The following BCL11B variants were observed in gnomAD, a reference collection of about 807,000 sequenced individuals.
BCL11B encodes B-cell lymphoma/leukemia 11B.
A neutral mutation model predicts 49.9 loss-of-function variants in BCL11B; 8 were observed. That is an observed-to-expected ratio of 0.16 (90% CI 0.09 to 0.29). The LOEUF is 0.29. Among genes scored for constraint, BCL11B ranks in the 10% least tolerant of loss-of-function variants. The pLI, the probability that BCL11B is intolerant of heterozygous loss-of-function variation, is 1.00. For missense variants in BCL11B, 1,006 were observed against 1,351.0 expected, an observed-to-expected ratio of 0.74 and a Z score of 4.00; for synonymous variants, 739 against 637.4, an observed-to-expected ratio of 1.16 and a Z score of -2.40.
In BCL11B at chr14:99,192,250, C is replaced by T. The variant is rs551006828; in HGVS notation, c.641-16055G>A. 8.7e-4 allele frequency among the ~76,000 whole-genome samples: 133 copies of T among 152,284 alleles called. 1 individual carries two copies. The highest frequency in any genetic ancestry group is 2.3e-3 in the Admixed American group (35 of 15,300). ...TGGCAGCGTTTCCTTGGAGCGCACACGGTGAACCTGGCTCTCGCATACAGT... is the reference window on the plus strand; with the variant it reads ...TGGCAGCGTTTCCTTGGAGCGCACATGGTGAACCTGGCTCTCGCATACAGT... On this transcript the variant is annotated intron_variant, in intron 3 of 3. Coordinates refer to ENST00000357195, the MANE Select transcript of BCL11B (RefSeq NM_138576.4). This position sits in a 1 kb window ranked among gnomAD's most constrained non-coding sequence, Gnocchi z 4.0.
chr14:99,181,548 C>T (rs1319735448), intron 3 of BCL11B, among the ~76,000 whole-genome samples: 1 of 152,210 alleles, frequency 6.6e-6, no homozygotes, highest in Non-Finnish European at 1.5e-5. Flanking sequence ...GCCTGTTTCA[C>T]AATGCAAATG....
chr14:99,187,662 CAAA>C (rs11385017), intron 3 of BCL11B, among the ~76,000 whole-genome samples: 1 of 136,182 alleles, frequency 7.3e-6, no homozygotes, highest in Non-Finnish European at 1.6e-5. Context: ...GATAAACAGG[CAAA>C]AAAAAAAAAA....
intron 2 of BCL11B, among the ~76,000 whole-genome samples, chr14:99,234,404 T>C (rs1888429389): frequency 6.6e-6 from 1 of 152,268 alleles, no homozygotes; most frequent in South Asian, 2.1e-4. Context: ...TATTTGCCTT[T>C]AAAAGTGAAG....
rs1361345192 is a variant in BCL11B at position 99,232,773 on chromosome 14, GC to G, written c.428-1217del. On this transcript the variant is annotated intron_variant, in intron 2 of 3. Transcript: ENST00000357195. This position sits in a 1 kb window ranked among gnomAD's most constrained non-coding sequence, Gnocchi z 5.1. ...CTGCAGAAAACTGCAGACATCAGCA[GC>G]CCCATCCAAACCCCAGCTGTCTGGC... 6.6e-6 allele frequency among the ~76,000 whole-genome samples: 1 copy of G among 152,194 alleles called. No individual in the cohort carries two copies. The highest frequency in any genetic ancestry group is 6.5e-5 in the Admixed American group (1 of 15,278).
At chr14:99,187,353 T>C (rs1013881569) in intron 3 of BCL11B, among the ~76,000 whole-genome samples, 1 of 152,124 alleles carries the variant, frequency 6.6e-6, no homozygotes, top group African/African-American at 2.4e-5. Flanking sequence ...TCTTTAGAGG[T>C]CCCGCCTTCG....
At position 99,205,476 on chromosome 14, in the gene BCL11B, G is replaced by A. The variant is rs958274080; in HGVS notation, c.640+25869C>T. On this transcript the variant is annotated intron_variant, in intron 3 of 3. Transcript: ENST00000357195. This position sits in a 1 kb window ranked among gnomAD's most constrained non-coding sequence, Gnocchi z 5.0. ...GGTTAAATGCGCCCAAGGACCAGGC[G>A]CTCGCTACACCAGCATGCCAGGAAA... 1.3e-5 allele frequency among the ~76,000 whole-genome samples: 2 copies of A among 152,268 alleles called. No individual in the cohort carries two copies. Among genetic ancestry groups the A allele is most frequent in the Admixed American group, 6.5e-5 (1 of 15,302 alleles).
chr14:99,176,002 C>T lies in BCL11B; in HGVS notation c.834G>A (p.Pro278=), dbSNP rs1270775724. The T allele has an allele frequency of 1.3e-6, 2 of 1,537,276 alleles. No individual in the cohort carries two copies. Among genetic ancestry groups the T allele is most frequent in the African/African-American group, 1.4e-5 (1 of 71,454 alleles). The change falls in exon 4 of 4, where the codon CCG becomes CCA. Residue 278 remains proline (P), a synonymous_variant. Coordinates refer to ENST00000357195, the MANE Select transcript of BCL11B (RefSeq NM_138576.4). ...PLGPEAVAQS[P]LMNFLGDSNP... is the part of the protein sequence containing the mutation. ...TGCTGTCGCCCAGGAAATTCATGAG[C>T]GGGGACTGCGCCACGGCCTCCGGCC...
In BCL11B at chr14:99,248,430, G is replaced by C. The variant is rs1888910290; in HGVS notation, c.427+9041C>G. ...CAGAGGTCACTGGCCGCCCCCAGCA[G>C]GCTCTGGGCCAGGGTGGGTCCAGAT... On this transcript the variant is annotated intron_variant, in intron 2 of 3. Coordinates refer to ENST00000357195, the MANE Select transcript of BCL11B (RefSeq NM_138576.4). This position sits in a 1 kb window ranked among gnomAD's most constrained non-coding sequence, Gnocchi z 4.7. 6.6e-6 allele frequency among the ~76,000 whole-genome samples: 1 copy of C among 152,266 alleles called. No homozygotes were observed. Among genetic ancestry groups the C allele is most frequent in the South Asian group, 2.1e-4 (1 of 4,822 alleles).
At position 99,262,810 on chromosome 14, in the gene BCL11B, T is replaced by C. The variant is rs1465851417; in HGVS notation, c.59-4971A>G. ...GAGCACAACACTTTCTGAGCTGCCA[T>C]CCATTTTTAATTTATTGGATCCAAG... On this transcript the variant is annotated intron_variant, in intron 1 of 3. Coordinates refer to ENST00000357195, the MANE Select transcript of BCL11B (RefSeq NM_138576.4). This position sits in a 1 kb window ranked among gnomAD's most constrained non-coding sequence, Gnocchi z 4.2. The C allele has an allele frequency of 6.6e-6, 1 of 151,838 alleles. No individual in the cohort carries two copies. Among genetic ancestry groups the C allele is most frequent in the Non-Finnish European group, 1.5e-5 (1 of 67,972 alleles). The allele number at this position is 151,838 out of a possible 1,614,324, so 9.4% of individuals were successfully genotyped here. A position where few individuals can be genotyped will look rare whatever the true frequency, so the allele number is the denominator to read the frequency against.
At chr14:99,253,891 T>C (rs1462443960) in intron 2 of BCL11B, among the ~76,000 whole-genome samples, 2 of 152,188 alleles carry the variant, frequency 1.3e-5, no homozygotes, top group Non-Finnish European at 2.9e-5. Context: ...AGAGGCACCA[T>C]AGCTGCCCTG....
In BCL11B at chr14:99,232,912, C is replaced by CA. The variant is rs1435015429; in HGVS notation, c.428-1356dup. Among the ~76,000 whole-genome samples, 20 of 152,200 alleles carry CA rather than the reference C, an allele frequency of 1.3e-4. No individual in the cohort carries two copies. Among genetic ancestry groups the CA allele is most frequent in the Non-Finnish European group, 2.9e-4 (20 of 68,034 alleles). On this transcript the variant is annotated intron_variant, in intron 2 of 3. Coordinates refer to ENST00000357195, the MANE Select transcript of BCL11B (RefSeq NM_138576.4). The surrounding 1 kb of genome is among the most constrained non-coding windows in gnomAD (Gnocchi z 5.1). ...CCCCTGCTTAGGGATTGCAAGCTGT[C>CA]AGTGTCCTGTCAAGAGGTCAAAGCT...
In BCL11B at chr14:99,232,318, A is replaced by G. The variant is rs969395311; in HGVS notation, c.428-761T>C. 3.3e-5 allele frequency among the ~76,000 whole-genome samples: 5 copies of G among 152,180 alleles called. No individual in the cohort carries two copies. The highest frequency in any genetic ancestry group is 1.3e-4 in the Admixed American group (2 of 15,292). On this transcript the variant is annotated intron_variant, in intron 2 of 3. Coordinates refer to ENST00000357195, the MANE Select transcript of BCL11B (RefSeq NM_138576.4). The surrounding 1 kb of genome is among the most constrained non-coding windows in gnomAD (Gnocchi z 5.1). ...GCCGGCCCCGCCTCTGCCCAGCCCC[A>G]CAGCTCGCTCAGCTCCACAGCAAGG...
In BCL11B at chr14:99,201,536, T is replaced by G. The variant is rs186582493; in HGVS notation, c.641-25341A>C. On this transcript the variant is annotated intron_variant, in intron 3 of 3. Coordinates refer to ENST00000357195, the MANE Select transcript of BCL11B (RefSeq NM_138576.4). ...AAGCCCCCACCTCCCATGACAAGGC[T>G]GCTCCCTAGGGAAACAGACCTGCCC... Among the ~76,000 whole-genome samples the G allele has an allele frequency of 1.4e-4, 22 of 152,272 alleles. No individual in the cohort carries two copies. In the East Asian group the frequency reaches 4.3e-3, roughly 29 times the overall value.
At position 99,171,036 on chromosome 14, in the gene BCL11B, T is replaced by C. The variant is rs778860313; in HGVS notation, c.*3115A>G. On this transcript the variant is annotated 3_prime_UTR_variant, in exon 4 of 4. Coordinates refer to ENST00000357195, the MANE Select transcript of BCL11B (RefSeq NM_138576.4). ...TCCTCTACATCTGACATCTTAGAGA[T>C]GGCCTCTTAGAGAAAGGGAGGACGA... The C allele has an allele frequency of 1.3e-5, 3 of 231,542 alleles. No homozygotes were observed. Among genetic ancestry groups the C allele is most frequent in the African/African-American group, 6.6e-5 (3 of 45,240 alleles). The allele number at this position is 231,542 out of a possible 1,614,324, so 14.3% of individuals were successfully genotyped here.
intron 1 of BCL11B, among the ~76,000 whole-genome samples, chr14:99,258,072 C>T (rs1198077531): frequency 6.6e-6 from 1 of 152,214 alleles, no homozygotes; most frequent in South Asian, 2.1e-4. Context: ...GGCATTGCCA[C>T]GTAAGTAGTG....
rs756308368 is a variant in BCL11B at position 99,232,742 on chromosome 14, G to A, written c.428-1185C>T. On this transcript the variant is annotated intron_variant, in intron 2 of 3. Coordinates refer to ENST00000357195, the MANE Select transcript of BCL11B (RefSeq NM_138576.4). The surrounding 1 kb of genome is among the most constrained non-coding windows in gnomAD (Gnocchi z 5.1). ...CATTGCACAGACCAGGAAACTGATGGCGTGACTGCAGAAAACTGCAGACAT... is the reference window on the plus strand; with the variant it reads ...CATTGCACAGACCAGGAAACTGATGACGTGACTGCAGAAAACTGCAGACAT... 1.3e-5 allele frequency among the ~76,000 whole-genome samples: 2 copies of A among 152,186 alleles called. No individual in the cohort carries two copies. The highest frequency in any genetic ancestry group is 4.8e-5 in the African/African-American group (2 of 41,440).
intron 1 of BCL11B, among the ~76,000 whole-genome samples, chr14:99,268,913 GAGCGAGAC>G (rs1322515491): frequency 6.6e-6 from 1 of 152,140 alleles, no homozygotes; most frequent in African/African-American, 2.4e-5. Flanking sequence ...GAGCAGGGCT[GAGCGAGAC>G]AGGGAACAAA....
chr14:99,271,292 G>T lies in BCL11B; in HGVS notation c.-74C>A. On this transcript the variant is annotated 5_prime_UTR_variant, in exon 1 of 4. Coordinates refer to ENST00000357195, the MANE Select transcript of BCL11B (RefSeq NM_138576.4). ...GGAGCCGGGGGAGGGGGTCCGAGCC[G>T]CCGCCGCGCCGCTGCCGCCGCTGCC... The T allele has an allele frequency of 4.0e-6, 4 of 1,004,688 alleles. 1 individual carries two copies. In the South Asian group the frequency reaches 1.3e-4, roughly 32 times the overall value. 62.2% of individuals were successfully genotyped at this position (1,004,688 alleles called of 1,614,324 possible).
At position 99,225,035 on chromosome 14, in the gene BCL11B, C is replaced by A. The variant is rs909770559; in HGVS notation, c.640+6310G>T. Among the ~76,000 whole-genome samples the A allele has an allele frequency of 3.3e-5, 5 of 152,290 alleles. No individual in the cohort carries two copies. The South Asian group carries it at 8.3e-4, about 25-fold the overall frequency. On this transcript the variant is annotated intron_variant, in intron 3 of 3. Transcript: ENST00000357195. ...CAGAGCTGAAGTCCAAGGCACCCAA[C>A]GTGGGGCTCCTCAACATCAGAGCTC...
Sources: gnomAD v4.1 joint callset for allele counts (sites outside exome capture counted in the v4.1 genomes callset) on GRCh38, gnomAD v4.1.1 for gene constraint, Gnocchi (gnomAD v3.1) non-coding constraint, MANE v1.5 for transcripts, NCBI Gene and HGNC (gene_info 2026-07-23, HGNC 2026-07-21) for gene names.